KCNMA1: variants seen among roughly 807,000 people sequenced by gnomAD.
The protein encoded by KCNMA1 is potassium calcium-activated channel subfamily M alpha 1, also known as Calcium-activated potassium channel subunit alpha-1.
In KCNMA1, 29 loss-of-function variants were observed where a neutral mutation model predicts 140.0. The ratio of observed to expected loss-of-function variants is 0.21; its 90% CI spans 0.15 to 0.28. The LOEUF (loss-of-function observed/expected upper bound fraction) is 0.28, where lower values mean the gene tolerates loss of function less well. Ranked by LOEUF, KCNMA1 falls within the 10% of genes least tolerant of loss-of-function variation. KCNMA1 has a pLI of 1.00. For synonymous variants in KCNMA1, 612 were observed against 611.9 expected, an observed-to-expected ratio of 1.00 and a Z score of 0.00; for missense variants, 880 against 1,602.2, an observed-to-expected ratio of 0.55 and a Z score of 7.70.
intron 23 of KCNMA1, among the ~76,000 whole-genome samples, chr10:76,935,853 TTCTG>T (rs1417565300): frequency 2.0e-5 from 3 of 152,166 alleles, no homozygotes; most frequent in African/African-American, 7.2e-5. Flanking sequence ...GAAAAGATGA[TTCTG>T]TCTGTTTTTA....
intron 3 of KCNMA1, among the ~76,000 whole-genome samples, chr10:77,186,360 TCAAAAAAAAA>T (rs1462643763): frequency 7.0e-6 from 1 of 142,132 alleles, no homozygotes; most frequent in East Asian, 2.2e-4. Flanking sequence ...GAAAAACAGT[TCAAAAAAAAA>T]CAAAAAACAA....
chr10:76,999,269 T>C (rs1366358094), intron 19 of KCNMA1, among the ~76,000 whole-genome samples: 1 of 152,208 alleles, frequency 6.6e-6, no homozygotes, highest in Admixed American at 6.5e-5. Context: ...GGGGTCTACA[T>C]GGGGGACACA....
chr10:77,578,503 C>A (rs2074923464), intron 1 of KCNMA1, among the ~76,000 whole-genome samples: 1 of 152,194 alleles, frequency 6.6e-6, no homozygotes, highest in Admixed American at 6.5e-5. Flanking sequence ...TGAGGGAAGC[C>A]TGCAGCCCCC....
chr10:77,051,733 C>T (rs1260697371), intron 14 of KCNMA1, among the ~76,000 whole-genome samples: 1 of 152,140 alleles, frequency 6.6e-6, no homozygotes, highest in Admixed American at 6.5e-5. Context: ...AAAATCCCAG[C>T]CTTATCATGT....
At chr10:76,940,991 G>GAA (rs1410960386) in intron 23 of KCNMA1, among the ~76,000 whole-genome samples, 1,775 of 63,158 alleles carry the variant, frequency 0.028, 89 homozygotes, top group African/African-American at 0.093. Flanking sequence ...GAGAGAAAGA[G>GAA]AGAAAGAAAG....
intron 19 of KCNMA1, among the ~76,000 whole-genome samples, chr10:76,994,883 G>A (rs2083754732): frequency 6.6e-6 from 1 of 152,198 alleles, no homozygotes; most frequent in Admixed American, 6.5e-5. Context: ...CACCATATGA[G>A]AAGGAGAATC....
chr10:76,908,878 G>A (rs1472363350), intron 25 of KCNMA1, among the ~76,000 whole-genome samples: 1 of 152,176 alleles, frequency 6.6e-6, no homozygotes, highest in African/African-American at 2.4e-5. Context: ...TAATACCCAG[G>A]TTATGACTCA....
chr10:77,219,229 T>C (rs1410746411), intron 3 of KCNMA1, among the ~76,000 whole-genome samples: 1 of 152,200 alleles, frequency 6.6e-6, no homozygotes, highest in Non-Finnish European at 1.5e-5. Flanking sequence ...TTTGTTGTTG[T>C]TGTTATTGTT....
At chr10:77,047,974 T>C (rs2095169849) in intron 14 of KCNMA1, among the ~76,000 whole-genome samples, 1 of 151,942 alleles carries the variant, frequency 6.6e-6, no homozygotes, top group Non-Finnish European at 1.5e-5. Context: ...TATCCATTCT[T>C]TTGCAAAATC....
intron 3 of KCNMA1, among the ~76,000 whole-genome samples, chr10:77,245,642 C>A (rs755738126): frequency 6.6e-6 from 1 of 152,142 alleles, no homozygotes; most frequent in Non-Finnish European, 1.5e-5. Context: ...AAAACTATAA[C>A]AAATCAACTA....
At chr10:77,446,250 G>A (rs1179849162) in intron 1 of KCNMA1, among the ~76,000 whole-genome samples, 4 of 152,348 alleles carry the variant, frequency 2.6e-5, no homozygotes, top group Middle Eastern at 3.4e-3. Context: ...CACTGCCTAT[G>A]AAGTCCCTTC....
chr10:77,477,572 T>C (rs1388431115), intron 1 of KCNMA1, among the ~76,000 whole-genome samples: 1 of 152,182 alleles, frequency 6.6e-6, no homozygotes, highest in Non-Finnish European at 1.5e-5. Context: ...CATCTTGGCT[T>C]GGCTAGAAAG....
At chr10:77,166,542 G>T (rs1328447706) in intron 5 of KCNMA1, among the ~76,000 whole-genome samples, 1 of 151,962 alleles carries the variant, frequency 6.6e-6, no homozygotes, top group Non-Finnish European at 1.5e-5. Context: ...GGCCAAAAAT[G>T]ATTGATTCAG....
At chr10:77,318,614 C>T (rs2081496750) in intron 2 of KCNMA1, among the ~76,000 whole-genome samples, 1 of 152,146 alleles carries the variant, frequency 6.6e-6, no homozygotes, top group Admixed American at 6.5e-5. Context: ...CTGGTAGGCA[C>T]CCTTTCAATG....
intron 1 of KCNMA1, among the ~76,000 whole-genome samples, chr10:77,502,937 C>A (rs1236319043): frequency 2.0e-5 from 3 of 152,086 alleles, no homozygotes; most frequent in African/African-American, 7.2e-5. Context: ...ATACTTGGAC[C>A]AATTTGGGTT....
chr10:77,522,444 C>G (rs2053784475), intron 1 of KCNMA1, among the ~76,000 whole-genome samples: 1 of 152,146 alleles, frequency 6.6e-6, no homozygotes, highest in Non-Finnish European at 1.5e-5. Context: ...CCCCAAAATC[C>G]CCAGTAGTTT....
intron 2 of KCNMA1, among the ~76,000 whole-genome samples, chr10:77,357,392 T>C (rs1247254660): frequency 6.6e-6 from 1 of 152,174 alleles, no homozygotes; most frequent in Non-Finnish European, 1.5e-5. Flanking sequence ...AATAACATAG[T>C]CAAATCTGAC....
At chr10:77,002,687 T>C (rs1414058839) in intron 18 of KCNMA1, among the ~76,000 whole-genome samples, 1 of 152,190 alleles carries the variant, frequency 6.6e-6, no homozygotes, top group Non-Finnish European at 1.5e-5. Flanking sequence ...TAGTTTCCAA[T>C]GCCCTTCACC....
At chr10:77,138,955 CA>C (rs1351219265) in intron 5 of KCNMA1, among the ~76,000 whole-genome samples, 1 of 152,220 alleles carries the variant, frequency 6.6e-6, no homozygotes, top group African/African-American at 2.4e-5. Context: ...GGGTTTACCA[CA>C]ATCTAAAATG....
Sources: allele counts gnomAD v4.1 joint callset (sites outside exome capture counted in the v4.1 genomes callset), GRCh38; gene constraint gnomAD v4.1.1; transcripts MANE v1.5; gene names NCBI Gene and HGNC (gene_info 2026-07-23, HGNC 2026-07-21).